The following MOSPD2 variants were observed in gnomAD, a reference collection of about 807,000 sequenced individuals.
MOSPD2 encodes motile sperm domain containing 2.
MOSPD2 carries 5 observed loss-of-function variants against 41.7 expected under a neutral mutation model. The observed-to-expected ratio is 0.12, with a 90% confidence interval of 0.06 to 0.25. The LOEUF is 0.25. Ranked by LOEUF, MOSPD2 falls within the 10% of genes least tolerant of loss-of-function variation. MOSPD2 has a pLI of 1.00. For synonymous variants in MOSPD2, 115 were observed against 126.9 expected, an observed-to-expected ratio of 0.91 and a Z score of 0.63; for missense variants, 282 against 375.2, an observed-to-expected ratio of 0.75 and a Z score of 2.05.
At chrX:14,878,153 A>G (rs2092524725) in intron 2 of MOSPD2, among the ~76,000 whole-genome samples, 1 of 112,104 alleles carries the variant, frequency 8.9e-6, no homozygotes, top group Non-Finnish European at 1.9e-5. Context: ...CCCTTTGTGG[A>G]CATTTAGATT....
chrX:14,913,399 C>T (rs1160045606), intron 10 of MOSPD2, among the ~76,000 whole-genome samples: 2 of 111,601 alleles, frequency 1.8e-5, no homozygotes, highest in African/African-American at 6.5e-5. Context: ...TCCCTTCCTC[C>T]GCCCCCGGTG....
chrX:14,903,093 T>C, intron 7 of MOSPD2, 89 bp downstream of exon 7: 1 of 600,997 alleles, frequency 1.7e-6, no homozygotes, highest in Non-Finnish European at 2.7e-6. Flanking sequence ...TTTAAAATAA[T>C]GTTTATATTG....
Position 14,899,495 on chromosome X carries a change from A to G in MOSPD2, c.478-1080A>G, listed in dbSNP as rs188277186. ...AACTCCATGCACAGTGGCTATAATG[A>G]TTAGTTACAAAGGTATTATTATATA... On this transcript the variant is annotated intron_variant, in intron 5 of 14. Transcript: ENST00000380492. Among the ~76,000 whole-genome samples, 473 of 94,177 alleles carry G rather than the reference A, an allele frequency of 5.0e-3. 2 individuals are homozygous for G. Among genetic ancestry groups the G allele is most frequent in the Non-Finnish European group, 8.6e-3 (403 of 46,791 alleles). The allele number at this position is 94,177 out of a possible 115,157, so 81.8% of individuals were successfully genotyped here.
At chrX:14,882,821 T>C (rs924419567) in intron 2 of MOSPD2, among the ~76,000 whole-genome samples, 5 of 109,960 alleles carry the variant, frequency 4.5e-5, no homozygotes, top group Non-Finnish European at 1.9e-5. Flanking sequence ...TTTTTTTTTT[T>C]ACTCATCTCT....
intron 13 of MOSPD2, among the ~76,000 whole-genome samples, chrX:14,917,559 C>T (rs2092602590): frequency 9.0e-6 from 1 of 111,563 alleles, no homozygotes. Flanking sequence ...AGACGGTGGG[C>T]AGTGATACCA....
intron 2 of MOSPD2, among the ~76,000 whole-genome samples, chrX:14,888,206 G>GCGCA (rs1555909427): frequency 7.0e-5 from 4 of 56,779 alleles, no homozygotes; most frequent in South Asian, 1.7e-3. Context: ...ACACACACAC[G>GCGCA]CACACACACA....
chrX:14,874,085 C>T (rs1361117237), intron 2 of MOSPD2: 1 of 285,243 alleles, frequency 3.5e-6, no homozygotes, highest in African/African-American at 2.7e-5. Flanking sequence ...CACGGTTCCA[C>T]TGCTGGCCTT....
intron 3 of MOSPD2, among the ~76,000 whole-genome samples, chrX:14,894,316 A>G (rs866044274): frequency 1.4e-4 from 9 of 66,516 alleles, no homozygotes; most frequent in African/African-American, 5.6e-4. Context: ...TTATTGATTG[A>G]TTTTTTTTTT....
At chrX:14,874,830 T>C (rs374315012) in intron 2 of MOSPD2, among the ~76,000 whole-genome samples, 2 of 112,256 alleles carry the variant, frequency 1.8e-5, no homozygotes, top group East Asian at 5.6e-4. Flanking sequence ...CCCCAAACTT[T>C]GTTCCAGAGA....
intron 11 of MOSPD2, 30 bp downstream of exon 11, chrX:14,914,629 G>A (rs749529948): frequency 2.9e-5 from 25 of 860,621 alleles, no homozygotes; most frequent in Non-Finnish European, 4.0e-5. Flanking sequence ...AATAAATTAT[G>A]TTTGAGAATT....
chrX:14,919,738 C>A lies in MOSPD2; in HGVS notation c.1486C>A (p.Gln496Lys). The change falls in exon 15 of 15, where the codon CAG becomes AAG. Residue 496 changes from glutamine to lysine, a missense_variant. Coordinates refer to ENST00000380492, the MANE Select transcript of MOSPD2 (RefSeq NM_152581.4). ...AGTTCAGCGTTGTATCTGGTTCCAG[C>A]AGCTGCTGCTTTCCTTAACAATGCT... The part of the protein sequence containing the change: ...DQVQRCIWFQ[Q>K]LLLSLTMLLL... 1 of 1,210,911 alleles carries A rather than the reference C, an allele frequency of 8.3e-7. No homozygotes were observed.
intron 10 of MOSPD2, among the ~76,000 whole-genome samples, chrX:14,913,324 T>C (rs1395181726): frequency 8.9e-6 from 1 of 111,870 alleles, no homozygotes; most frequent in Non-Finnish European, 1.9e-5. Context: ...TGTAGAGGTA[T>C]GACAGGAAAA....
chrX:14,901,252 G>C (rs2092572654), intron 6 of MOSPD2, among the ~76,000 whole-genome samples: 1 of 111,284 alleles, frequency 9.0e-6, no homozygotes, highest in South Asian at 3.7e-4. Flanking sequence ...GAATTTGTAT[G>C]ATGGGTTCAC....
At position 14,920,891 on chromosome X, in the gene MOSPD2, AG is replaced by A. The variant is rs1340594178; in HGVS notation, c.*1083del. The A allele has an allele frequency of 1.3e-6, 1 of 752,442 alleles. No homozygotes were observed. Among genetic ancestry groups the A allele is most frequent in the Admixed American group, 8.8e-5 (1 of 11,353 alleles). The allele number at this position is 752,442 out of a possible 1,213,427, so 62.0% of individuals were successfully genotyped here. On this transcript the variant is annotated 3_prime_UTR_variant, in exon 15 of 15. Coordinates refer to ENST00000380492, the MANE Select transcript of MOSPD2 (RefSeq NM_152581.4). ...AGGGTGAAAACAAAAAAAAATAAAA[AG>A]AAACACAGACGCCCAGGTGTCAGCT...
chrX:14,915,872 A>G, intron 12 of MOSPD2, 108 bp downstream of exon 12: 2 of 716,968 alleles, frequency 2.8e-6, no homozygotes, highest in Non-Finnish European at 4.3e-6. Context: ...TCTAGAAATT[A>G]GCAGAGTATC....
In MOSPD2 at chrX:14,892,747, G is replaced by A. The variant is rs748763207; in HGVS notation, c.104G>A (p.Arg35His). ...VTDKSDKYDARDVERLQQDDN... is the reference protein window; with the variant it reads ...VTDKSDKYDAHDVERLQQDDN... ...GATAAGTCAGATAAATATGATGCAC[G>A]TGATGTTGAAAGGCTACAACAAGAT... Residue 35 changes from arginine to histidine, a missense_variant, in exon 3 of 15, where the codon CGT becomes CAT. Coordinates refer to ENST00000380492, the MANE Select transcript of MOSPD2 (RefSeq NM_152581.4). 3.3e-6 allele frequency: 4 copies of A among 1,200,626 alleles called. No homozygotes were observed. The highest frequency in any genetic ancestry group is 2.2e-5 in the Admixed American group (1 of 45,697).
At chrX:14,888,246 A>ACACACACACC (rs2092546287) in intron 2 of MOSPD2, among the ~76,000 whole-genome samples, 1 of 104,101 alleles carries the variant, frequency 9.6e-6, no homozygotes, top group East Asian at 3.0e-4. Context: ...ACACACACAC[A>ACACACACACC]CACCTTTTTA....
At chrX:14,886,262 A>G (rs904277321) in intron 2 of MOSPD2, among the ~76,000 whole-genome samples, 1 of 111,503 alleles carries the variant, frequency 9.0e-6, no homozygotes, top group African/African-American at 3.3e-5. Flanking sequence ...TCTGTAATAT[A>G]CAGGAATAGA....
chrX:14,915,623 A>G lies in MOSPD2; in HGVS notation c.1090-45A>G, dbSNP rs776072516. On this transcript the variant is annotated intron_variant, in intron 11 of 14. Coordinates refer to ENST00000380492, the MANE Select transcript of MOSPD2 (RefSeq NM_152581.4). ...AGTCATTCTTAAGCCATTTCCCCCC[A>G]AAAAAGCATAAAGGTTGTTATGTGA... 5 of 965,715 alleles carry G rather than the reference A, an allele frequency of 5.2e-6. No homozygotes were observed. The Admixed American group carries it at 1.3e-4, about 24-fold the overall frequency. 79.6% of individuals were successfully genotyped at this position (965,715 alleles called of 1,213,427 possible). A position where few individuals can be genotyped will look rare whatever the true frequency, so the allele number is the denominator to read the frequency against.
Sources: allele counts gnomAD v4.1 joint callset (sites outside exome capture counted in the v4.1 genomes callset), GRCh38; gene constraint gnomAD v4.1.1; transcripts MANE v1.5; gene names NCBI Gene and HGNC (gene_info 2026-07-23, HGNC 2026-07-21).